Variants in ARMH3 observed in about 807,000 individuals in gnomAD.
ARMH3 encodes armadillo like helical domain containing 3, also known as armadillo-like helical domain-containing protein 3.
Under a neutral mutation model 99.1 loss-of-function variants are expected in ARMH3, and 60 were observed. The observed-to-expected ratio is 0.61, with a 90% confidence interval of 0.49 to 0.75. The LOEUF (loss-of-function observed/expected upper bound fraction) is 0.75, where lower values mean the gene tolerates loss of function less well. Among genes scored for constraint, ARMH3 ranks in the 30% least tolerant of loss-of-function variants. ARMH3 has a pLI of 0.00. For synonymous variants in ARMH3, 285 were observed against 292.8 expected (o/e 0.97, Z 0.27); for missense variants, 679 against 843.1 (o/e 0.81, Z 2.41).
intron 20 of ARMH3, among the ~76,000 whole-genome samples, chr10:101,963,878 C>CTT (rs1177050739): frequency 1.0e-4 from 14 of 135,696 alleles, no homozygotes; most frequent in Admixed American, 2.9e-4. Context: ...CTTTTTCTTT[C>CTT]TTTTTTTTTT....
intron 24 of ARMH3, among the ~76,000 whole-genome samples, chr10:101,883,676 T>TA (rs2067470578): frequency 1.3e-5 from 2 of 152,012 alleles, no homozygotes. Flanking sequence ...ACACAAGTTG[T>TA]ATGACAACTA....
At chr10:101,943,859 T>C (rs1844350472) in intron 22 of ARMH3, among the ~76,000 whole-genome samples, 2 of 150,794 alleles carry the variant, frequency 1.3e-5, no homozygotes, top group South Asian at 4.2e-4. Flanking sequence ...GCTCAGGAGA[T>C]CGAGACCATC....
intron 24 of ARMH3, among the ~76,000 whole-genome samples, chr10:101,883,755 G>A (rs1222889795): frequency 1.3e-5 from 2 of 152,068 alleles, no homozygotes; most frequent in African/African-American, 4.8e-5. Flanking sequence ...ACTTTGGGAG[G>A]CAAAGGTGGG....
At chr10:102,045,362 T>C (rs2067524208) in intron 1 of ARMH3, among the ~76,000 whole-genome samples, 1 of 152,074 alleles carries the variant, frequency 6.6e-6, no homozygotes, top group Non-Finnish European at 1.5e-5. Flanking sequence ...GAGACAGTGA[T>C]AAGGGCCCTG....
At chr10:101,905,074 T>C (rs1043843109) in intron 23 of ARMH3, among the ~76,000 whole-genome samples, 2 of 152,192 alleles carry the variant, frequency 1.3e-5, no homozygotes, top group Admixed American at 1.3e-4. Flanking sequence ...TAAGACTATA[T>C]TTCCTATTGT....
At chr10:101,915,079 G>C (rs1843023345) in intron 23 of ARMH3, among the ~76,000 whole-genome samples, 1 of 151,680 alleles carries the variant, frequency 6.6e-6, no homozygotes, top group Admixed American at 6.6e-5. Context: ...GTTTAGTTTA[G>C]TTCAACTCTA....
intron 14 of ARMH3, among the ~76,000 whole-genome samples, chr10:102,005,789 G>C (rs2066470377): frequency 6.6e-6 from 1 of 151,974 alleles, no homozygotes; most frequent in Non-Finnish European, 1.5e-5. Flanking sequence ...CTTTTTCTTA[G>C]GTTCCAGCCA....
In ARMH3 at chr10:101,932,963, G is replaced by A. The variant is rs551588102; in HGVS notation, c.1781+6900C>T. Among the ~76,000 whole-genome samples, 121 of 152,294 alleles carry A rather than the reference G, an allele frequency of 7.9e-4. 2 individuals are homozygous for A. Among genetic ancestry groups the A allele is most frequent in the African/African-American group, 2.8e-3 (115 of 41,568 alleles). On this transcript the variant is annotated intron_variant, in intron 23 of 25. Transcript: ENST00000370033. ...GCACTTTGGGAGACTGAGGCAGGCG[G>A]ATTACGAGGTCAGGAGATCGAGACC... is the stretch of plus-strand genomic sequence containing the variant.
chr10:101,945,707 C>T (rs758235273), intron 22 of ARMH3, among the ~76,000 whole-genome samples: 5 of 149,896 alleles, frequency 3.3e-5, no homozygotes, highest in Admixed American at 3.3e-4. Flanking sequence ...GGTGACAGAA[C>T]GAGACTCTGT....
At chr10:101,951,321 G>C (rs1844773069) in intron 22 of ARMH3, among the ~76,000 whole-genome samples, 1 of 152,128 alleles carries the variant, frequency 6.6e-6, no homozygotes, top group South Asian at 2.1e-4. Context: ...TGTAATCCCA[G>C]AACTTTAGGA....
chr10:101,981,511 T>C (rs530619820), intron 19 of ARMH3, among the ~76,000 whole-genome samples: 3 of 152,320 alleles, frequency 2.0e-5, no homozygotes, highest in African/African-American at 7.2e-5. Context: ...TACAAGTGAA[T>C]TGAACTAAAT....
chr10:102,006,787 C>T (rs1379320197), intron 13 of ARMH3, among the ~76,000 whole-genome samples, 154 bp from the exon 14 acceptor site: 1 of 151,732 alleles, frequency 6.6e-6, no homozygotes, highest in East Asian at 1.9e-4. Context: ...GTCTCGAAAT[C>T]CTAGGCTCAA....
chr10:101,847,762 T>C (rs920262766), intron 25 of ARMH3, 142 bp from the exon 26 acceptor site: 1 of 725,462 alleles, frequency 1.4e-6, no homozygotes, highest in Non-Finnish European at 2.4e-6. Flanking sequence ...TTAACAGCTA[T>C]TATCCCTGCA....
Position 101,878,503 on chromosome 10 carries a change from G to GT in ARMH3, c.1860+10908dup, listed in dbSNP as rs1470410891. Among the ~76,000 whole-genome samples the GT allele has an allele frequency of 7.2e-5, 11 of 151,916 alleles. 2 individuals carry two copies. Among genetic ancestry groups the GT allele is most frequent in the African/African-American group, 2.7e-4 (11 of 41,436 alleles). The stretch of plus-strand genomic sequence containing the variant: ...AAAAAAAAAAAAATAGCCAGACATG[G>GT]TAGCACATGCCTGTAGTCCCAGCTA... On this transcript the variant is annotated intron_variant, in intron 24 of 25. Transcript: ENST00000370033.
chr10:101,997,110 C>T (rs1414930271), intron 15 of ARMH3, among the ~76,000 whole-genome samples: 1 of 150,538 alleles, frequency 6.6e-6, no homozygotes, highest in Non-Finnish European at 1.5e-5. Flanking sequence ...ACTAAAGATA[C>T]AAAAATCAGC....
chr10:101,988,584 A>G (rs540854651), intron 19 of ARMH3, among the ~76,000 whole-genome samples: 156 of 152,328 alleles, frequency 1.0e-3, no homozygotes, highest in Non-Finnish European at 1.8e-3. Flanking sequence ...TTGTATCATT[A>G]TTTCAGACCT....
chr10:101,872,207 A>G (rs1354981459), intron 24 of ARMH3, among the ~76,000 whole-genome samples: 1 of 151,956 alleles, frequency 6.6e-6, no homozygotes. Flanking sequence ...ACTGACTTGG[A>G]GAAAATATTT....
At chr10:101,983,238 G>C (rs1170863695) in intron 19 of ARMH3, among the ~76,000 whole-genome samples, 1 of 152,120 alleles carries the variant, frequency 6.6e-6, no homozygotes, top group Non-Finnish European at 1.5e-5. Context: ...GAGAGAAGAG[G>C]GGCTGAAGGT....
chr10:101,873,417 C>A (rs1233947429), intron 24 of ARMH3, among the ~76,000 whole-genome samples: 8 of 151,494 alleles, frequency 5.3e-5, no homozygotes, highest in Admixed American at 5.3e-4. Flanking sequence ...GTCAAAAAAA[C>A]AAAACAAAAC....
Sources: allele counts gnomAD v4.1 joint callset (sites outside exome capture counted in the v4.1 genomes callset), GRCh38; gene constraint gnomAD v4.1.1; transcripts MANE v1.5; gene names NCBI Gene and HGNC (gene_info 2026-07-23, HGNC 2026-07-21).